Variants in CCDC149 observed in about 807,000 individuals in gnomAD.
The protein encoded by CCDC149 is coiled-coil domain-containing protein 149.
A neutral mutation model predicts 59.9 loss-of-function variants in CCDC149; 45 were observed. The ratio of observed to expected loss-of-function variants is 0.75; its 90% CI spans 0.59 to 0.96. The LOEUF (loss-of-function observed/expected upper bound fraction) is 0.96, where lower values mean the gene tolerates loss of function less well. Among genes scored for constraint, CCDC149 ranks in the 40% least tolerant of loss-of-function variants. The pLI is 0.00. For synonymous variants in CCDC149, 245 were observed against 260.6 expected (o/e 0.94, Z 0.58); for missense variants, 584 against 664.7 (o/e 0.88, Z 1.33).
intron 3 of CCDC149, among the ~76,000 whole-genome samples, chr4:24,858,960 G>A (rs1269895092): frequency 1.3e-5 from 2 of 152,130 alleles, no homozygotes; most frequent in South Asian, 2.1e-4. Flanking sequence ...CTCTATCACC[G>A]TTCCAATTCC....
chr4:24,828,019 C>T (rs1183253680), intron 9 of CCDC149: 2 of 152,086 alleles, frequency 1.3e-5, no homozygotes, highest in African/African-American at 4.8e-5. Flanking sequence ...GGGGAGAACA[C>T]ACATAGACCA....
intron 1 of CCDC149, among the ~76,000 whole-genome samples, chr4:24,900,545 A>G (rs1009706030): frequency 2.0e-5 from 3 of 152,220 alleles, no homozygotes; most frequent in Admixed American, 2.0e-4. Context: ...TGCATGATAC[A>G]TCATCATTCC....
chr4:24,916,787 G>GGT (rs55857592), upstream of CCDC149, among the ~76,000 whole-genome samples: 4,661 of 141,862 alleles, frequency 0.033, 99 homozygotes, highest in South Asian at 0.063. Flanking sequence ...GGTTTATAAT[G>GGT]GTGTGTGTGT....
rs980123128 is a variant in CCDC149 at position 24,838,081 on chromosome 4, C to T, written c.489+75G>A. 1.0e-5 allele frequency: 12 copies of T among 1,160,494 alleles called. No individual in the cohort carries two copies. The Admixed American group carries it at 2.0e-4, about 20-fold the overall frequency. The allele number at this position is 1,160,494 out of a possible 1,614,324, so 71.9% of individuals were successfully genotyped here. ...ACCCCATACTCTGAGAAACGAGGGG[C>T]ACAGTCCACTCTTGTTTGTGTTGTG... is the stretch of plus-strand genomic sequence containing the variant. On this transcript the variant is annotated intron_variant, in intron 5 of 12. Coordinates refer to ENST00000635206, the MANE Select transcript of CCDC149 (RefSeq NM_001330643.2).
At chr4:24,822,462 A>G in intron 10 of CCDC149, 35 bp downstream of exon 10, 10 of 1,407,544 alleles carry the variant, frequency 7.1e-6, no homozygotes, top group Non-Finnish European at 9.5e-6. Context: ...AAGAAAAAAA[A>G]AAAAGGAAAA....
intron 1 of CCDC149, among the ~76,000 whole-genome samples, chr4:24,909,906 C>T (rs1721774145): frequency 6.6e-6 from 1 of 152,186 alleles, no homozygotes; most frequent in Non-Finnish European, 1.5e-5. Flanking sequence ...TGTGGAACAG[C>T]AGGCCCATGA....
chr4:24,915,078 C>G (rs1172430674), upstream of CCDC149, among the ~76,000 whole-genome samples: 1 of 152,218 alleles, frequency 6.6e-6, no homozygotes, highest in East Asian at 1.9e-4. Context: ...AGCTTCTGGT[C>G]TTCTGACCAT....
intron 12 of CCDC149, among the ~76,000 whole-genome samples, chr4:24,813,628 A>G (rs546197793): frequency 3.8e-4 from 58 of 151,456 alleles, no homozygotes; most frequent in African/African-American, 1.3e-3. Context: ...ATCCATTCTA[A>G]TTTTAATACA....
chr4:24,909,240 G>T (rs890134558), intron 1 of CCDC149, among the ~76,000 whole-genome samples: 6 of 152,142 alleles, frequency 3.9e-5, no homozygotes, highest in Admixed American at 2.6e-4. Context: ...GATGGAGAGG[G>T]GATCCAGGGT....
At chr4:24,914,564 C>T (rs71610829), upstream of CCDC149, among the ~76,000 whole-genome samples, 2 of 150,524 alleles carry the variant, frequency 1.3e-5, no homozygotes, top group African/African-American at 2.4e-5. Context: ...CATTGCCTGC[C>T]GCCCCCTCCA....
At chr4:24,855,756 A>T (rs1168084057) in intron 3 of CCDC149, among the ~76,000 whole-genome samples, 1 of 152,190 alleles carries the variant, frequency 6.6e-6, no homozygotes. Context: ...ATTTTCCCAG[A>T]TTTCTGTTCT....
At chr4:24,882,972 A>G (rs768355837) in intron 1 of CCDC149, among the ~76,000 whole-genome samples, 1 of 152,224 alleles carries the variant, frequency 6.6e-6, no homozygotes, top group Non-Finnish European at 1.5e-5. Context: ...AATGCATTAA[A>G]TGCAGTAAAT....
chr4:24,909,472 G>A (rs1721742235), intron 1 of CCDC149, among the ~76,000 whole-genome samples: 1 of 152,172 alleles, frequency 6.6e-6, no homozygotes, highest in Middle Eastern at 3.2e-3. Context: ...AACTTGACTG[G>A]GCAGGGGAAT....
At chr4:24,838,333 A>G in intron 4 of CCDC149, 61 bp from the exon 5 acceptor site, 1 of 1,212,102 alleles carries the variant, frequency 8.3e-7, no homozygotes, top group Non-Finnish European at 1.2e-6. Context: ...CCAAATAAAA[A>G]CCAAAGGACA....
intron 1 of CCDC149, among the ~76,000 whole-genome samples, chr4:24,920,844 T>G (rs369507482): frequency 8.5e-5 from 13 of 152,360 alleles, no homozygotes; most frequent in African/African-American, 2.6e-4. Flanking sequence ...TGTATTTTTT[T>G]TTAGAACCTA....
intron 4 of CCDC149, among the ~76,000 whole-genome samples, chr4:24,846,524 T>C (rs1376003986): frequency 6.6e-6 from 1 of 152,198 alleles, no homozygotes; most frequent in Non-Finnish European, 1.5e-5. Context: ...GAAGTGTACC[T>C]TAATTAGTCA....
At chr4:24,910,219 C>T (rs540553010) in intron 1 of CCDC149, among the ~76,000 whole-genome samples, 242 of 152,294 alleles carry the variant, frequency 1.6e-3, no homozygotes, top group Non-Finnish European at 2.7e-3. Flanking sequence ...ACATGGTCTT[C>T]CTTTCATGCA....
chr4:24,923,829 G>A (rs561064712), intron 1 of CCDC149, among the ~76,000 whole-genome samples: 3 of 152,294 alleles, frequency 2.0e-5, no homozygotes, highest in African/African-American at 7.2e-5. Flanking sequence ...ATATACAGTG[G>A]CTTGACTAAG....
At chr4:24,856,303 T>C (rs993867051) in intron 3 of CCDC149, among the ~76,000 whole-genome samples, 5 of 152,318 alleles carry the variant, frequency 3.3e-5, no homozygotes, top group African/African-American at 9.6e-5. Context: ...CAGCAAACAA[T>C]ACAGACAAAA....
Sources: allele counts gnomAD v4.1 joint callset (sites outside exome capture counted in the v4.1 genomes callset), GRCh38; gene constraint gnomAD v4.1.1; transcripts MANE v1.5; gene names NCBI Gene and HGNC (gene_info 2026-07-23, HGNC 2026-07-21).